The following FHIP1A variants were observed in gnomAD, a reference collection of about 807,000 sequenced individuals.
FHIP1A encodes the protein FHF complex subunit HOOK interacting protein 1A.
Under a neutral mutation model 88.6 loss-of-function variants are expected in FHIP1A, and 61 were observed. That is an observed-to-expected ratio of 0.69 (90% CI 0.56 to 0.85). FHIP1A has a LOEUF of 0.85. Among genes scored for constraint, FHIP1A ranks in the 40% least tolerant of loss-of-function variants. The probability of loss-of-function intolerance (pLI) is 0.00; values close to 1 mark genes in which losing one functional copy is unlikely to be tolerated. For missense variants in FHIP1A, 1,154 were observed against 1,273.5 expected, an observed-to-expected ratio of 0.91 and a Z score of 1.43; for synonymous variants, 478 against 496.0, an observed-to-expected ratio of 0.96 and a Z score of 0.48.
intron 3 of FHIP1A, among the ~76,000 whole-genome samples, chr4:151,513,918 C>T (rs1444116744): frequency 6.7e-6 from 1 of 150,182 alleles, no homozygotes; most frequent in African/African-American, 2.5e-5. Context: ...AACAAGGATA[C>T]CCAGGAATTG....
At chr4:151,437,486 T>C (rs989034818) in intron 1 of FHIP1A, among the ~76,000 whole-genome samples, 1 of 152,128 alleles carries the variant, frequency 6.6e-6, no homozygotes, top group Non-Finnish European at 1.5e-5. Context: ...TCTTCTTTCA[T>C]AGAAAAAAGA....
intron 7 of FHIP1A, among the ~76,000 whole-genome samples, chr4:151,620,428 G>A (rs905561516): frequency 1.3e-5 from 2 of 152,228 alleles, no homozygotes; most frequent in Non-Finnish European, 2.9e-5. Flanking sequence ...ATATGGGCTG[G>A]CTGTGGCTCA....
In FHIP1A at chr4:151,566,288, A is replaced by G. The variant is rs775652827; in HGVS notation, c.29A>G (p.Lys10Arg). ...ATGTCATCGGTTTCGACAGAAAGCAAACTCCAGCAGGCTGTGAGCCTACAG... is the reference window on the plus strand; with the variant it reads ...ATGTCATCGGTTTCGACAGAAAGCAGACTCCAGCAGGCTGTGAGCCTACAG... MMSSVSTESKLQQAVSLQGV... is the reference protein window; with the variant it reads MMSSVSTESRLQQAVSLQGV... Residue 10 changes from lysine to arginine, a missense_variant, in exon 4 of 14, where the codon AAA becomes AGA. Coordinates refer to ENST00000435205, the MANE Select transcript of FHIP1A (RefSeq NM_001109977.3). The G allele has an allele frequency of 2.6e-6, 4 of 1,550,634 alleles. No individual in the cohort carries two copies. Among genetic ancestry groups the G allele is most frequent in the African/African-American group, 2.7e-5 (2 of 73,004 alleles).
chr4:151,485,290 T>G (rs1211533308), intron 3 of FHIP1A, among the ~76,000 whole-genome samples: 3 of 150,416 alleles, frequency 2.0e-5, no homozygotes, highest in African/African-American at 2.4e-5. Context: ...CAGTTTTTTT[T>G]TTTTTTTTTT....
intron 3 of FHIP1A, among the ~76,000 whole-genome samples, chr4:151,521,096 G>A (rs988918998): frequency 6.6e-6 from 1 of 152,190 alleles, no homozygotes; most frequent in Non-Finnish European, 1.5e-5. Flanking sequence ...AAGACATTTA[G>A]TTGTGTAAAT....
intron 7 of FHIP1A, among the ~76,000 whole-genome samples, chr4:151,626,605 G>T (rs1735960397): frequency 6.6e-6 from 1 of 152,148 alleles, no homozygotes; most frequent in Non-Finnish European, 1.5e-5. Context: ...TTAAGCTTTA[G>T]TATCCCTAAA....
intron 7 of FHIP1A, among the ~76,000 whole-genome samples, chr4:151,597,553 C>T (rs769603515): frequency 6.6e-6 from 1 of 152,172 alleles, no homozygotes. Context: ...AGAACTCGAG[C>T]GCTGTGCTGG....
rs570536515 is a variant in FHIP1A at position 151,433,524 on chromosome 4, G to A, written c.-355-21177G>A. ...CTACTTAGATTAGTTTGAAACTTGC[G>A]GAGTTAATGGCGCTGGTGAGACATT... On this transcript the variant is annotated intron_variant, in intron 1 of 13. Coordinates refer to ENST00000435205, the MANE Select transcript of FHIP1A (RefSeq NM_001109977.3). Among the ~76,000 whole-genome samples the A allele has an allele frequency of 2.6e-4, 40 of 152,130 alleles. 1 individual carries two copies. In the South Asian group the frequency reaches 5.4e-3, roughly 21 times the overall value.
In FHIP1A at chr4:151,650,366, C is replaced by G. The variant is rs1210710218; in HGVS notation, c.2325C>G (p.Pro775=). Residue 775 remains proline (P), a synonymous_variant, in exon 11 of 14, where the codon CCC becomes CCG. Transcript: ENST00000435205. ...AGGGCTTGATGGAACAGAATTACCC[C>G]ACACCTGATCCCTTGCTTCTCACTA... ...GAEGLMEQNY[P]TPDPLLLTKE... is the part of the protein sequence containing the mutation. 2 of 1,551,726 alleles carry G rather than the reference C, an allele frequency of 1.3e-6. No homozygotes were observed. Among genetic ancestry groups the G allele is most frequent in the Admixed American group, 3.9e-5 (2 of 51,008 alleles).
At chr4:151,476,115 C>T (rs999101040) in intron 2 of FHIP1A, among the ~76,000 whole-genome samples, 9 of 151,188 alleles carry the variant, frequency 6.0e-5, no homozygotes, top group African/African-American at 2.2e-4. Context: ...CTGCCTTGGC[C>T]TCCCAAAGTG....
chr4:151,586,516 CT>C, intron 5 of FHIP1A, 124 bp from the exon 6 acceptor site: 1 of 737,924 alleles, frequency 1.4e-6, no homozygotes, highest in Non-Finnish European at 2.1e-6. Context: ...GCTCTTATAC[CT>C]TTAATACCTT....
In FHIP1A at chr4:151,411,343, A is replaced by ATTCTTTTTTTTTTTTTTTTTT. The variant is rs370374898; in HGVS notation, c.-356+1879_-356+1880insTCTTTTTTTTTTTTTTTTTTT. 4.5e-5 allele frequency among the ~76,000 whole-genome samples: 5 copies of ATTCTTTTTTTTTTTTTTTTTT among 112,178 alleles called. 1 individual carries two copies. The highest frequency in any genetic ancestry group is 1.1e-4 in the African/African-American group (3 of 27,364). The allele number at this position is 112,178 out of a possible 152,430, so 73.6% of individuals were successfully genotyped here. ...AATTGCCTCTGAGGAGTGAAATTAT[A>ATTCTTTTTTTTTTTTTTTTTT]TATATATTTTTTTTTTTTTAAAGTT... On this transcript the variant is annotated intron_variant, in intron 1 of 13. Transcript: ENST00000435205.
chr4:151,596,403 T>C (rs1734649845), intron 7 of FHIP1A, among the ~76,000 whole-genome samples: 2 of 152,216 alleles, frequency 1.3e-5, no homozygotes, highest in Non-Finnish European at 2.9e-5. Flanking sequence ...GTTAGTCTGA[T>C]GGGCTTCCCT....
intron 3 of FHIP1A, among the ~76,000 whole-genome samples, chr4:151,496,909 G>C (rs1377348592): frequency 6.6e-6 from 1 of 151,480 alleles, no homozygotes; most frequent in East Asian, 1.9e-4. Context: ...TAGATAAAGA[G>C]AGCAAGTATG....
intron 3 of FHIP1A, among the ~76,000 whole-genome samples, chr4:151,546,497 C>G (rs904542684): frequency 5.3e-5 from 8 of 152,228 alleles, no homozygotes. Flanking sequence ...CTCACTGATA[C>G]AGACTGCTAT....
At chr4:151,498,961 C>T (rs1007341561) in intron 3 of FHIP1A, among the ~76,000 whole-genome samples, 7 of 152,146 alleles carry the variant, frequency 4.6e-5, no homozygotes, top group African/African-American at 1.7e-4. Context: ...TAAGGTAAAA[C>T]ACAGAAAGGC....
intron 3 of FHIP1A, among the ~76,000 whole-genome samples, chr4:151,549,779 G>A (rs1732652344): frequency 6.6e-6 from 1 of 152,098 alleles, no homozygotes; most frequent in Non-Finnish European, 1.5e-5. Context: ...CCTCTCTTGG[G>A]ATCTGGATCG....
intron 1 of FHIP1A, among the ~76,000 whole-genome samples, chr4:151,421,929 C>G (rs182733893): frequency 6.6e-6 from 1 of 152,168 alleles, no homozygotes; most frequent in East Asian, 1.9e-4. Context: ...AGTGATGGTA[C>G]TCTTTAGGGC....
chr4:151,422,595 T>G (rs1350205465), intron 1 of FHIP1A, among the ~76,000 whole-genome samples: 1 of 152,182 alleles, frequency 6.6e-6, no homozygotes, highest in Non-Finnish European at 1.5e-5. Flanking sequence ...TTTGCCATGT[T>G]GGCCAGGCTG....
Sources: allele counts gnomAD v4.1 joint callset (sites outside exome capture counted in the v4.1 genomes callset), GRCh38; gene constraint gnomAD v4.1.1; transcripts MANE v1.5; gene names NCBI Gene and HGNC (gene_info 2026-07-23, HGNC 2026-07-21).